The following LINGO2 variants were observed in gnomAD, a reference collection of about 807,000 sequenced individuals.
LINGO2 encodes the protein leucine rich repeat and Ig domain containing 2, also known as leucine-rich repeat and immunoglobulin-like domain-containing nogo receptor-interacting protein 2.
In LINGO2, 14 loss-of-function variants were observed where a neutral mutation model predicts 30.6. That is an observed-to-expected ratio of 0.46 (90% CI 0.30 to 0.72). The LOEUF is 0.72. LINGO2 is among the 30% of genes least tolerant of loss of function. LINGO2 has a pLI of 0.07. For synonymous variants in LINGO2, 317 were observed against 288.5 expected (o/e 1.10, Z -1.00); for missense variants, 729 against 751.7 (o/e 0.97, Z 0.35).
At chr9:28,317,197 T>C (rs1192774522) in intron 3 of LINGO2, among the ~76,000 whole-genome samples, 1 of 152,182 alleles carries the variant, frequency 6.6e-6, no homozygotes, top group Non-Finnish European at 1.5e-5. Flanking sequence ...TAAAGATGCA[T>C]TCAGCATGTG....
At chr9:28,035,068 T>C (rs915327120) in intron 4 of LINGO2, among the ~76,000 whole-genome samples, 1 of 152,250 alleles carries the variant, frequency 6.6e-6, no homozygotes, top group Non-Finnish European at 1.5e-5. Context: ...CCTGTTTGGA[T>C]ATTCAAATAC....
At position 28,357,290 on chromosome 9, in the gene LINGO2, A is replaced by C. The variant is rs1587533679; in HGVS notation, c.-246+15546T>G. ...CAACCTTTTATTAGTTAAACCTCTA[A>C]AAGTCTTTCAGATACAGAAATAAAG... On this transcript the variant is annotated intron_variant, in intron 3 of 5. Coordinates refer to ENST00000379992, the Ensembl canonical transcript of LINGO2. Among the ~76,000 whole-genome samples, 3 of 148,172 alleles carry C rather than the reference A, an allele frequency of 2.0e-5. No homozygotes were observed. In the Admixed American group the frequency reaches 2.1e-4, roughly 10 times the overall value.
At chr9:28,885,639 A>G in the LINGO2 span, among the ~76,000 whole-genome samples, 2 of 152,082 alleles carry the variant, frequency 1.3e-5, no homozygotes, top group African/African-American at 4.8e-5. Context: ...TAGTAGTTGC[A>G]CTAGGAAAGA....
the LINGO2 span, among the ~76,000 whole-genome samples, chr9:28,845,140 G>C: frequency 6.6e-6 from 1 of 151,812 alleles, no homozygotes; most frequent in Admixed American, 6.6e-5. Context: ...TAGATATAGA[G>C]TGTAATCATT....
At chr9:28,474,387 T>TA (rs201723099) in intron 2 of LINGO2, among the ~76,000 whole-genome samples, 1 of 138,194 alleles carries the variant, frequency 7.2e-6, no homozygotes, top group Non-Finnish European at 1.6e-5. Context: ...TCTCAAAGAA[T>TA]AAAAAAAGAA....
chr9:28,208,655 A>G (rs1345057205), intron 4 of LINGO2, among the ~76,000 whole-genome samples: 1 of 151,912 alleles, frequency 6.6e-6, no homozygotes, highest in Non-Finnish European at 1.5e-5. Flanking sequence ...ACTTGCTATC[A>G]CTATGTTGGC....
At chr9:28,901,421 A>T in the LINGO2 span, among the ~76,000 whole-genome samples, 48 of 152,248 alleles carry the variant, frequency 3.2e-4, no homozygotes, top group Non-Finnish European at 6.2e-4. Context: ...AAATACTCTA[A>T]TACTGTACTG....
At chr9:28,451,317 G>A (rs1377417223) in intron 2 of LINGO2, among the ~76,000 whole-genome samples, 1 of 151,826 alleles carries the variant, frequency 6.6e-6, no homozygotes, top group African/African-American at 2.4e-5. Flanking sequence ...AAAGAGAGAA[G>A]AGAAATGGCA....
At chr9:28,689,042 A>G in the LINGO2 span, among the ~76,000 whole-genome samples, 1 of 152,320 alleles carries the variant, frequency 6.6e-6, no homozygotes, top group Admixed American at 6.5e-5. Context: ...GAATATGGTA[A>G]AGACGACAGG....
At chr9:28,675,939 A>G in the LINGO2 span, among the ~76,000 whole-genome samples, 680 of 148,010 alleles carry the variant, frequency 4.6e-3, 6 homozygotes, top group Non-Finnish European at 7.5e-3. Flanking sequence ...ACACACACAC[A>G]CACACACACA....
chr9:28,804,016 C>A, the LINGO2 span, among the ~76,000 whole-genome samples: 69 of 152,166 alleles, frequency 4.5e-4, no homozygotes, highest in East Asian at 9.7e-3. Flanking sequence ...CTAAAACAGG[C>A]ATCAAATAAT....
chr9:28,998,849 T>C, the LINGO2 span, among the ~76,000 whole-genome samples: 1 of 149,512 alleles, frequency 6.7e-6, no homozygotes, highest in South Asian at 2.1e-4. Context: ...CCATTATATA[T>C]ATAGCACAGG....
At chr9:29,139,105 A>C in the LINGO2 span, among the ~76,000 whole-genome samples, 1 of 152,188 alleles carries the variant, frequency 6.6e-6, no homozygotes, top group Non-Finnish European at 1.5e-5. Context: ...CTTATAAGGC[A>C]AGAAACTGAG....
chr9:29,179,008 T>A, the LINGO2 span, among the ~76,000 whole-genome samples: 1 of 151,600 alleles, frequency 6.6e-6, no homozygotes, highest in Non-Finnish European at 1.5e-5. Context: ...GGAAGGCTTC[T>A]GTGGCTAGAC....
At chr9:27,979,067 T>C (rs562564574) in intron 5 of LINGO2, among the ~76,000 whole-genome samples, 40 of 152,120 alleles carry the variant, frequency 2.6e-4, no homozygotes, top group Admixed American at 2.3e-3. Flanking sequence ...GTCAGTCCCT[T>C]TCTAAACCCC....
chr9:28,061,959 C>T (rs1311858105), intron 4 of LINGO2, among the ~76,000 whole-genome samples: 1 of 151,958 alleles, frequency 6.6e-6, no homozygotes, highest in Non-Finnish European at 1.5e-5. Context: ...ATATTACTAC[C>T]AATAATGATG....
At chr9:28,982,373 C>T in the LINGO2 span, among the ~76,000 whole-genome samples, 1 of 151,930 alleles carries the variant, frequency 6.6e-6, no homozygotes, top group African/African-American at 2.4e-5. Flanking sequence ...AGAATACCCA[C>T]ATTCCTATTC....
intron 1 of LINGO2, among the ~76,000 whole-genome samples, chr9:28,570,493 G>A (rs1048530640): frequency 6.6e-6 from 1 of 151,586 alleles, no homozygotes; most frequent in Non-Finnish European, 1.5e-5. Context: ...TTTACTTGGG[G>A]GAAATTTATT....
chr9:28,084,712 AAAATT>A (rs922931925), intron 4 of LINGO2, among the ~76,000 whole-genome samples: 4 of 152,166 alleles, frequency 2.6e-5, no homozygotes, highest in African/African-American at 9.6e-5. Flanking sequence ...ACCTCTAAAA[AAAATT>A]AAATTAGTTT....
Sources: gnomAD v4.1 joint callset for allele counts (sites outside exome capture counted in the v4.1 genomes callset) on GRCh38, gnomAD v4.1.1 for gene constraint, MANE v1.5 for transcripts, NCBI Gene and HGNC (gene_info 2026-07-23, HGNC 2026-07-21) for gene names.